The following SCN2A variants were observed in gnomAD, a reference collection of about 807,000 sequenced individuals.
SCN2A encodes the protein sodium voltage-gated channel alpha subunit 2.
Under a neutral mutation model 188.7 loss-of-function variants are expected in SCN2A, and 20 were observed. The observed-to-expected ratio is 0.11, with a 90% CI of 0.07 to 0.15. The LOEUF (loss-of-function observed/expected upper bound fraction) is 0.15, where lower values mean the gene tolerates loss of function less well. Ranked by LOEUF, SCN2A falls within the 10% of genes least tolerant of loss-of-function variation. The probability of loss-of-function intolerance (pLI) is 1.00; values close to 1 mark genes in which losing one functional copy is unlikely to be tolerated. For missense variants in SCN2A, 1,278 were observed against 2,445.0 expected (o/e 0.52, Z 10.07); for synonymous variants, 804 against 833.1 (o/e 0.97, Z 0.60).
At chr2:165,288,236 G>T (rs1276706338) in intron 1 of SCN2A, among the ~76,000 whole-genome samples, 1 of 152,108 alleles carries the variant, frequency 6.6e-6, no homozygotes, top group Non-Finnish European at 1.5e-5. Context: ...GGAATTCAGA[G>T]AAAAATCCAG....
At chr2:165,306,321 C>A (rs1044044395) in intron 3 of SCN2A, among the ~76,000 whole-genome samples, 18 of 152,076 alleles carry the variant, frequency 1.2e-4, no homozygotes, top group Non-Finnish European at 2.9e-5. Context: ...AGGTTTGTGA[C>A]CATAAATTTA....
At chr2:165,364,096 A>T (rs977850708) in intron 17 of SCN2A, among the ~76,000 whole-genome samples, 4 of 152,196 alleles carry the variant, frequency 2.6e-5, no homozygotes, top group Non-Finnish European at 5.9e-5. Flanking sequence ...ATTCTAGTTT[A>T]ACATACTTCA....
intron 3 of SCN2A, among the ~76,000 whole-genome samples, chr2:165,300,277 A>G (rs1413433113): frequency 6.6e-6 from 1 of 152,170 alleles, no homozygotes; most frequent in Admixed American, 6.5e-5. Context: ...GTACTTACTG[A>G]GTATCTACCA....
chr2:165,319,322 G>C (rs867367971), intron 11 of SCN2A, among the ~76,000 whole-genome samples: 1 of 152,160 alleles, frequency 6.6e-6, no homozygotes, highest in Admixed American at 6.5e-5. Flanking sequence ...GGGTGACAGA[G>C]TGAGACTCCG....
chr2:165,364,786 CTA>C (rs1384866652), intron 17 of SCN2A, among the ~76,000 whole-genome samples: 1 of 152,100 alleles, frequency 6.6e-6, no homozygotes, highest in Non-Finnish European at 1.5e-5. Context: ...ATAAAACAAA[CTA>C]TTTGAAAACC....
rs1559359050 is a variant in SCN2A, at chr2:165,318,164, T to A, written c.1671+2406T>A. Among the ~76,000 whole-genome samples, 8 of 152,322 alleles carry A rather than the reference T, an allele frequency of 5.3e-5. No homozygotes were observed. The South Asian group carries it at 1.7e-3, about 32-fold the overall frequency. ...GATGACATGATTGTGTTGGTAACCA[T>A]CTCTGTGTTTGTATTGAAAAACTAT... On this transcript the variant is annotated intron_variant, in intron 11 of 26. Coordinates refer to ENST00000375437, the MANE Select transcript of SCN2A (RefSeq NM_001040142.2).
intron 1 of SCN2A, among the ~76,000 whole-genome samples, chr2:165,242,720 T>C (rs965307497): frequency 9.9e-5 from 15 of 151,952 alleles, no homozygotes; most frequent in Non-Finnish European, 2.2e-4. Flanking sequence ...CTTTGTAGAG[T>C]AAGGTATGAA....
At chr2:165,341,164 G>T (rs764198122) in intron 14 of SCN2A, among the ~76,000 whole-genome samples, 2 of 152,162 alleles carry the variant, frequency 1.3e-5, no homozygotes, top group African/African-American at 2.4e-5. Context: ...CGCTATCTCG[G>T]CTCACTGCAA....
intron 1 of SCN2A, among the ~76,000 whole-genome samples, chr2:165,283,472 C>G (rs16850311): frequency 0.24 from 37,031 of 152,096 alleles, 4,788 homozygotes; most frequent in Non-Finnish European, 0.28. Flanking sequence ...TGTGTAAGCT[C>G]ATCCTCCATG....
chr2:165,332,080 T>C (rs1315255515), intron 14 of SCN2A, among the ~76,000 whole-genome samples: 1 of 151,918 alleles, frequency 6.6e-6, no homozygotes, highest in African/African-American at 2.4e-5. Context: ...TTTGTTAAAA[T>C]ATATATTAGC....
intron 14 of SCN2A, among the ~76,000 whole-genome samples, chr2:165,336,240 C>A (rs1397105634): frequency 6.6e-6 from 1 of 151,834 alleles, no homozygotes; most frequent in Non-Finnish European, 1.5e-5. Flanking sequence ...GGCAGTTTTA[C>A]TAATTTCTTC....
intron 13 of SCN2A, among the ~76,000 whole-genome samples, chr2:165,330,651 T>C (rs1241417267): frequency 6.6e-6 from 1 of 152,164 alleles, no homozygotes; most frequent in Non-Finnish European, 1.5e-5. Flanking sequence ...TAAAATCCTT[T>C]GTATTTTTCC....
intron 25 of SCN2A, 48 bp from the exon 26 acceptor site, chr2:165,386,697 GA>G (rs747139665): frequency 6.4e-7 from 1 of 1,563,016 alleles, no homozygotes; most frequent in Non-Finnish European, 8.8e-7. Flanking sequence ...AATTGAATTC[GA>G]TTTTTTTTAA....
chr2:165,371,440 G>A (rs193112613), intron 20 of SCN2A: 6 of 152,216 alleles, frequency 3.9e-5, no homozygotes, highest in Non-Finnish European at 5.9e-5. Flanking sequence ...GGACAGCTGC[G>A]TACACAGTAA....
At chr2:165,248,410 G>T (rs1693948150) in intron 1 of SCN2A, among the ~76,000 whole-genome samples, 1 of 152,012 alleles carries the variant, frequency 6.6e-6, no homozygotes, top group South Asian at 2.1e-4. Flanking sequence ...CCTTTGGGCT[G>T]TTTCCTCTGC....
At chr2:165,336,133 G>T (rs575031456) in intron 14 of SCN2A, among the ~76,000 whole-genome samples, 1 of 151,712 alleles carries the variant, frequency 6.6e-6, no homozygotes, top group Non-Finnish European at 1.5e-5. Flanking sequence ...AATTAGAATG[G>T]TTATGCTTTA....
chr2:165,291,491 T>TTTCTTTCTTTCTTTC (rs1389976633), intron 1 of SCN2A, among the ~76,000 whole-genome samples: 1 of 38,834 alleles, frequency 2.6e-5, no homozygotes, highest in African/African-American at 9.1e-5. Flanking sequence ...TCTTTCTTTC[T>TTTCTTTCTTTCTTTC]TTTCTTTCTT....
At chr2:165,388,485 C>T in intron 26 of SCN2A, 144 bp from the exon 27 acceptor site, 1 of 1,163,580 alleles carries the variant, frequency 8.6e-7, no homozygotes, top group South Asian at 1.5e-5. Flanking sequence ...TTTCATTTTG[C>T]TCAACAAACA....
chr2:165,324,314 A>G (rs780443322), intron 12 of SCN2A, among the ~76,000 whole-genome samples: 19 of 152,218 alleles, frequency 1.2e-4, no homozygotes, highest in Non-Finnish European at 2.8e-4. Context: ...TATAGCATTC[A>G]AAATGTCTTC....
Sources: allele counts gnomAD v4.1 joint callset (sites outside exome capture counted in the v4.1 genomes callset), GRCh38; gene constraint gnomAD v4.1.1; transcripts MANE v1.5; gene names NCBI Gene and HGNC (gene_info 2026-07-23, HGNC 2026-07-21).